SLIT2: variants seen among roughly 807,000 people sequenced by gnomAD.
SLIT2 encodes slit guidance ligand 2.
SLIT2 carries 41 observed loss-of-function variants against 185.7 expected under a neutral mutation model. The ratio of observed to expected loss-of-function variants is 0.22; its 90% CI spans 0.17 to 0.29. The LOEUF (loss-of-function observed/expected upper bound fraction) is 0.29, where lower values mean the gene tolerates loss of function less well. Ranked by LOEUF, SLIT2 falls within the 10% of genes least tolerant of loss-of-function variation. SLIT2 has a pLI of 1.00. For synonymous variants in SLIT2, 693 were observed against 680.2 expected (o/e 1.02, Z -0.29); for missense variants, 1,571 against 1,909.0 (o/e 0.82, Z 3.30).
chr4:20,379,428 A>G (rs1724307813), intron 4 of SLIT2, among the ~76,000 whole-genome samples: 1 of 152,170 alleles, frequency 6.6e-6, no homozygotes, highest in Non-Finnish European at 1.5e-5. Flanking sequence ...GCCTTATCCA[A>G]CTATTAATGA....
At chr4:20,321,491 G>T (rs548261131) in intron 4 of SLIT2, among the ~76,000 whole-genome samples, 66 of 152,286 alleles carry the variant, frequency 4.3e-4, no homozygotes, top group African/African-American at 1.5e-3. Context: ...TAGGACCCCA[G>T]TGACTAGCTT....
In SLIT2 at chr4:20,251,961, G is replaced by A. The variant is rs1464311214; in HGVS notation, c.-1855G>A. Among the ~76,000 whole-genome samples the A allele has an allele frequency of 6.6e-6, 1 of 152,144 alleles. No individual in the cohort carries two copies. Among genetic ancestry groups the A allele is most frequent in the Non-Finnish European group, 1.5e-5 (1 of 68,010 alleles). On this transcript the variant is annotated 5_prime_UTR_variant, in exon 1 of 37. It adds an upstream start codon to the 5' untranslated region. Coordinates refer to ENST00000504154, the MANE Select transcript of SLIT2 (RefSeq NM_004787.4). Reference sequence around the variant, plus strand: ...ACGGCGGAGCTTGGCGGCGGCGGTGGTGGTGGCTGCCGCAGACTGTGGTTA... The same window carrying A: ...ACGGCGGAGCTTGGCGGCGGCGGTGATGGTGGCTGCCGCAGACTGTGGTTA...
chr4:20,550,280 A>G (rs1723621068), intron 24 of SLIT2, among the ~76,000 whole-genome samples: 1 of 152,022 alleles, frequency 6.6e-6, no homozygotes, highest in Admixed American at 6.6e-5. Context: ...AGCTTGATCT[A>G]TCATTTCCCC....
At chr4:20,556,494 G>A (rs1560192785) in intron 26 of SLIT2, among the ~76,000 whole-genome samples, 1 of 151,864 alleles carries the variant, frequency 6.6e-6, no homozygotes, top group Non-Finnish European at 1.5e-5. Flanking sequence ...GAAAAAAGTT[G>A]CATATTTGTA....
chr4:20,525,920 C>G (rs1721244018), intron 15 of SLIT2, among the ~76,000 whole-genome samples: 1 of 152,146 alleles, frequency 6.6e-6, no homozygotes, highest in African/African-American at 2.4e-5. Context: ...TCAATCGTAA[C>G]ACTATCAAGA....
intron 19 of SLIT2, among the ~76,000 whole-genome samples, 196 bp from the exon 20 acceptor site, chr4:20,541,257 C>T (rs369279835): frequency 7.9e-5 from 12 of 151,968 alleles, no homozygotes; most frequent in African/African-American, 2.9e-4. Flanking sequence ...GCTTAAGTTC[C>T]AAGCATAAAT....
At chr4:20,306,238 C>T (rs896411201) in intron 4 of SLIT2, among the ~76,000 whole-genome samples, 1 of 152,066 alleles carries the variant, frequency 6.6e-6, no homozygotes, top group Non-Finnish European at 1.5e-5. Flanking sequence ...AGGATGCTGG[C>T]ATCTCTGAAG....
chr4:20,596,110 CAAAA>C (rs972146382), intron 31 of SLIT2, among the ~76,000 whole-genome samples: 1 of 151,878 alleles, frequency 6.6e-6, no homozygotes, highest in Non-Finnish European at 1.5e-5. Flanking sequence ...AATTTTAAGA[CAAAA>C]AACGTAGAAC....
intron 4 of SLIT2, among the ~76,000 whole-genome samples, chr4:20,332,096 C>A (rs1196130200): frequency 1.3e-5 from 2 of 152,094 alleles, no homozygotes; most frequent in Non-Finnish European, 2.9e-5. Context: ...TCATGTTGAA[C>A]TTTTGTGTAG....
chr4:20,559,056 A>C (rs1161719435), intron 26 of SLIT2, among the ~76,000 whole-genome samples: 1 of 152,046 alleles, frequency 6.6e-6, no homozygotes, highest in African/African-American at 2.4e-5. Context: ...GGACAAGCAG[A>C]CAAGTGTGAG....
intron 4 of SLIT2, among the ~76,000 whole-genome samples, chr4:20,299,442 G>T (rs1307795646): frequency 6.6e-6 from 1 of 152,120 alleles, no homozygotes; most frequent in East Asian, 1.9e-4. Flanking sequence ...AACGAGGAAA[G>T]AAATCAATGC....
chr4:20,344,720 C>T (rs1721240776), intron 4 of SLIT2, among the ~76,000 whole-genome samples: 1 of 152,164 alleles, frequency 6.6e-6, no homozygotes, highest in African/African-American at 2.4e-5. Context: ...CACTGTTGAA[C>T]TTGACTTAGT....
chr4:20,286,581 A>G (rs556716052), intron 4 of SLIT2, among the ~76,000 whole-genome samples: 6 of 152,222 alleles, frequency 3.9e-5, no homozygotes, highest in African/African-American at 1.4e-4. Flanking sequence ...GTGGATGAAC[A>G]CCTGAAGTCA....
At chr4:20,613,237 G>A (rs1478947113) in intron 34 of SLIT2, among the ~76,000 whole-genome samples, 1 of 152,128 alleles carries the variant, frequency 6.6e-6, no homozygotes, top group East Asian at 1.9e-4. Context: ...TAATGGCAAA[G>A]ACATGGAATC....
At chr4:20,594,128 TATATATAC>T (rs1217276314) in intron 30 of SLIT2, among the ~76,000 whole-genome samples, 2 of 148,924 alleles carry the variant, frequency 1.3e-5, no homozygotes, top group African/African-American at 4.9e-5. Flanking sequence ...CACATGTGCA[TATATATAC>T]ATATATACAC....
At chr4:20,428,631 G>A (rs578133115) in intron 4 of SLIT2, among the ~76,000 whole-genome samples, 1 of 152,028 alleles carries the variant, frequency 6.6e-6, no homozygotes, top group Non-Finnish European at 1.5e-5. Flanking sequence ...CCCCTAAGTG[G>A]CCATAATAGA....
intron 4 of SLIT2, among the ~76,000 whole-genome samples, chr4:20,322,753 A>G (rs1719209311): frequency 6.6e-6 from 1 of 152,138 alleles, no homozygotes; most frequent in African/African-American, 2.4e-5. Context: ...TCTCTGCCCC[A>G]TTTTAATTCC....
chr4:20,275,223 C>G (rs547454097), intron 4 of SLIT2, among the ~76,000 whole-genome samples: 15 of 152,186 alleles, frequency 9.9e-5, no homozygotes, highest in Middle Eastern at 3.4e-3. Flanking sequence ...ACACTGAAAT[C>G]AATTTACTTT....
At chr4:20,499,079 A>T (rs1363409402) in intron 9 of SLIT2, among the ~76,000 whole-genome samples, 1 of 152,194 alleles carries the variant, frequency 6.6e-6, no homozygotes, top group Non-Finnish European at 1.5e-5. Flanking sequence ...CCACACCATC[A>T]TCTTACACAA....
Sources: allele counts gnomAD v4.1 joint callset (sites outside exome capture counted in the v4.1 genomes callset), GRCh38; gene constraint gnomAD v4.1.1; transcripts MANE v1.5; gene names NCBI Gene and HGNC (gene_info 2026-07-23, HGNC 2026-07-21).